MYH9: variants seen among roughly 807,000 people sequenced by gnomAD.
The protein encoded by MYH9 is myosin heavy chain 9.
MYH9 carries 29 observed loss-of-function variants against 241.9 expected under a neutral mutation model. The ratio of observed to expected loss-of-function variants is 0.12; its 90% confidence interval spans 0.09 to 0.16. MYH9 has a LOEUF of 0.16. Among genes scored for constraint, MYH9 ranks in the 10% least tolerant of loss-of-function variants. The probability of loss-of-function intolerance (pLI) is 1.00; values close to 1 mark genes in which losing one functional copy is unlikely to be tolerated. For missense variants in MYH9, 1,803 were observed against 2,595.5 expected, an observed-to-expected ratio of 0.69 and a Z score of 6.63; for synonymous variants, 1,047 against 1,062.6, an observed-to-expected ratio of 0.99 and a Z score of 0.29.
chr22:36,308,182 G>A (rs1009793247), intron 15 of MYH9, among the ~76,000 whole-genome samples: 33 of 152,076 alleles, frequency 2.2e-4, no homozygotes, highest in African/African-American at 6.5e-4. Flanking sequence ...TAAGACACTC[G>A]CAGCCATTCA....
intron 1 of MYH9, among the ~76,000 whole-genome samples, chr22:36,352,307 C>T (rs1242375699): frequency 2.0e-5 from 3 of 152,174 alleles, no homozygotes; most frequent in Non-Finnish European, 2.9e-5. Context: ...CCACATGGCC[C>T]GTCAAAAAGC....
chr22:36,300,766 A>T lies in MYH9; in HGVS notation c.2838+85T>A. 2 of 1,497,084 alleles carry T rather than the reference A, an allele frequency of 1.3e-6. No homozygotes were observed. The highest frequency in any genetic ancestry group is 1.8e-6 in the Non-Finnish European group (2 of 1,092,254). The allele number at this position is 1,497,084 out of a possible 1,614,324, so 92.7% of individuals were successfully genotyped here. A position where few individuals can be genotyped will look rare whatever the true frequency, so the allele number is the denominator to read the frequency against. ...AGCAGCCTCCTTGGACCCTAATTCC[A>T]TGTTCTCCCAGCTCCTGGTTCCTGC... On this transcript the variant is annotated intron_variant, in intron 22 of 40. Transcript: ENST00000216181. This position sits in a 1 kb window ranked among gnomAD's most constrained non-coding sequence, Gnocchi z 5.0.
At chr22:36,314,029 A>C in intron 13 of MYH9, 116 bp downstream of exon 13, 2 of 1,362,414 alleles carry the variant, frequency 1.5e-6, no homozygotes, top group Non-Finnish European at 1.0e-6. Context: ...GGTGGCACCA[A>C]AAGGAAGGGG....
intron 2 of MYH9, 71 bp downstream of exon 2, chr22:36,348,833 G>A: frequency 8.9e-7 from 1 of 1,122,262 alleles, no homozygotes; most frequent in Non-Finnish European, 1.2e-6. Flanking sequence ...AGGGTGATGG[G>A]AAGACCCGCC....
chr22:36,369,810 T>C (rs543006037), intron 1 of MYH9, among the ~76,000 whole-genome samples: 1 of 152,164 alleles, frequency 6.6e-6, no homozygotes, highest in Admixed American at 6.5e-5. Flanking sequence ...GGCCTGAAAA[T>C]GAGGAGCTGG....
Position 36,352,153 on chromosome 22 carries a change from C to T in MYH9, c.-19-2898G>A, listed in dbSNP as rs150054157. ...GCCTGGGGTCCCTCGGAAGCCAGGC[C>T]GGCACTGGAGCTGGGCCCTAACTGT... is the stretch of plus-strand genomic sequence containing the variant. On this transcript the variant is annotated intron_variant, in intron 1 of 40. Coordinates refer to ENST00000216181, the MANE Select transcript of MYH9 (RefSeq NM_002473.6). Among the ~76,000 whole-genome samples the T allele has an allele frequency of 1.2e-4, 18 of 152,244 alleles. No homozygotes were observed. In the South Asian group the frequency reaches 1.9e-3, roughly 16 times the overall value.
In MYH9 at chr22:36,319,394, T is replaced by C. The variant is rs569076692; in HGVS notation, c.1108+146A>G. On this transcript the variant is annotated intron_variant, in intron 10 of 40. Transcript: ENST00000216181. ...AAAAAAAAGCAGGGTCATGTTTACG[T>C]GTGTTTTACATCTGTATAGAAAATA... 356 of 785,392 alleles carry C rather than the reference T, an allele frequency of 4.5e-4. 1 individual carries two copies. The highest frequency in any genetic ancestry group is 4.7e-4 in the Admixed American group (23 of 48,890). The allele number at this position is 785,392 out of a possible 1,614,324, so 48.7% of individuals were successfully genotyped here. A position where few individuals can be genotyped will look rare whatever the true frequency, so the allele number is the denominator to read the frequency against.
At chr22:36,325,913 G>A (rs971160014) in intron 5 of MYH9, among the ~76,000 whole-genome samples, 1 of 152,236 alleles carries the variant, frequency 6.6e-6, no homozygotes, top group African/African-American at 2.4e-5. Flanking sequence ...GCTGCAGAAA[G>A]TGACAAGTGT....
intron 31 of MYH9, among the ~76,000 whole-genome samples, 194 bp from the exon 32 acceptor site, chr22:36,289,491 C>T (rs1270980730): frequency 3.3e-5 from 5 of 152,238 alleles, no homozygotes; most frequent in Non-Finnish European, 7.3e-5. Flanking sequence ...GGATGACTGC[C>T]GACTGGAGCA....
intron 1 of MYH9, among the ~76,000 whole-genome samples, chr22:36,377,018 G>A (rs962368908): frequency 4.0e-5 from 6 of 151,596 alleles, no homozygotes; most frequent in Admixed American, 2.0e-4. Flanking sequence ...AGCCAAGATC[G>A]TGCAACTGTA....
At chr22:36,350,996 C>T (rs776060080) in intron 1 of MYH9, among the ~76,000 whole-genome samples, 1 of 152,204 alleles carries the variant, frequency 6.6e-6, no homozygotes, top group Admixed American at 6.5e-5. Flanking sequence ...CACGGAACAC[C>T]ATGGGCTTTT....
rs1033074981 is a variant in MYH9 at position 36,306,155 on chromosome 22, G to A, written c.2038-104C>T. On this transcript the variant is annotated intron_variant, in intron 16 of 40. Coordinates refer to ENST00000216181, the MANE Select transcript of MYH9 (RefSeq NM_002473.6). This position sits in a 1 kb window ranked among gnomAD's most constrained non-coding sequence, Gnocchi z 4.1. ...CCTGACAGGGCAAGAGCCTAAGGGAGGGGGTCGCTACAGCCCACAGGTTTG... is the reference window on the plus strand; with the variant it reads ...CCTGACAGGGCAAGAGCCTAAGGGAAGGGGTCGCTACAGCCCACAGGTTTG... 7.4e-5 allele frequency: 116 copies of A among 1,569,218 alleles called. No homozygotes were observed. The highest frequency in any genetic ancestry group is 8.8e-5 in the Non-Finnish European group (101 of 1,152,580).
chr22:36,314,423 T>C (rs1375275143), intron 12 of MYH9, 105 bp from the exon 13 acceptor site: 2 of 1,391,844 alleles, frequency 1.4e-6, no homozygotes, highest in African/African-American at 1.4e-5. Flanking sequence ...AAGGGCCTCC[T>C]TGGGCACCTC....
At chr22:36,359,737 C>T (rs1353686678) in intron 1 of MYH9, among the ~76,000 whole-genome samples, 2 of 152,120 alleles carry the variant, frequency 1.3e-5, no homozygotes, top group Non-Finnish European at 2.9e-5. Context: ...TGCTAGGATG[C>T]CATGAGAAGG....
At chr22:36,382,977 C>T (rs2018283245) in intron 1 of MYH9, among the ~76,000 whole-genome samples, 1 of 152,026 alleles carries the variant, frequency 6.6e-6, no homozygotes, top group African/African-American at 2.4e-5. Context: ...CCCCAGCACT[C>T]TGAGAGGCTG....
intron 13 of MYH9, among the ~76,000 whole-genome samples, chr22:36,313,189 C>T (rs1288923719): frequency 2.0e-5 from 3 of 151,386 alleles, no homozygotes; most frequent in Non-Finnish European, 2.9e-5. Flanking sequence ...ACAGGCCAGG[C>T]GCGGTGGCTC....
intron 3 of MYH9, among the ~76,000 whole-genome samples, chr22:36,338,638 T>C (rs1260875945): frequency 6.6e-6 from 1 of 151,672 alleles, no homozygotes; most frequent in Non-Finnish European, 1.5e-5. Context: ...ACCAACATGG[T>C]GAAACCCCGT....
intron 3 of MYH9, among the ~76,000 whole-genome samples, chr22:36,336,998 C>T (rs546535513): frequency 9.7e-4 from 148 of 152,342 alleles, no homozygotes; most frequent in African/African-American, 3.3e-3. Flanking sequence ...CCCGTGCCCA[C>T]GGCAGACAGC....
Position 36,289,034 on chromosome 22 carries a change from T to C in MYH9, c.4557+51A>G, listed in dbSNP as rs146777502. 1.6e-3 allele frequency: 2,501 copies of C among 1,613,406 alleles called. 8 individuals carry two copies. The highest frequency in any genetic ancestry group is 2.0e-3 in the Non-Finnish European group (2,318 of 1,179,714). On this transcript the variant is annotated intron_variant, in intron 32 of 40. Coordinates refer to ENST00000216181, the MANE Select transcript of MYH9 (RefSeq NM_002473.6). ...CTGTGCACACACCGACCCTCTGTGA[T>C]GACCCCACTCGGGCCCTTCCCAAGA...
Sources: allele counts gnomAD v4.1 joint callset (sites outside exome capture counted in the v4.1 genomes callset), GRCh38; gene constraint gnomAD v4.1.1; non-coding constraint Gnocchi (gnomAD v3.1); transcripts MANE v1.5; gene names NCBI Gene and HGNC (gene_info 2026-07-23, HGNC 2026-07-21).